The following FGGY variants were observed in gnomAD, a reference collection of about 807,000 sequenced individuals.
FGGY encodes the protein FGGY carbohydrate kinase domain containing.
FGGY carries 72 observed loss-of-function variants against 71.3 expected under a neutral mutation model. The observed-to-expected ratio is 1.01, with a 90% CI of 0.84 to 1.23. The LOEUF is 1.23. Ranked by LOEUF, FGGY falls within the 50% of genes most tolerant of loss-of-function variation. FGGY has a pLI of 0.00. For synonymous variants in FGGY, 251 were observed against 250.3 expected, an observed-to-expected ratio of 1.00 and a Z score of -0.02; for missense variants, 668 against 682.3, an observed-to-expected ratio of 0.98 and a Z score of 0.23.
intron 11 of FGGY, among the ~76,000 whole-genome samples, chr1:59,642,963 G>A (rs142925981): frequency 0.078 from 11,673 of 150,132 alleles, 1,227 homozygotes; most frequent in African/African-American, 0.24. Context: ...AGAACCTGGG[G>A]GGTGGAGCTT....
chr1:59,532,337 A>C (rs911940872), intron 7 of FGGY, among the ~76,000 whole-genome samples: 1 of 152,204 alleles, frequency 6.6e-6, no homozygotes, highest in African/African-American at 2.4e-5. Flanking sequence ...AAAATACATG[A>C]AATACACAAA....
Position 59,667,351 on chromosome 1 carries a change from T to C in FGGY, c.1365T>C (p.Cys455=). 5 of 1,614,204 alleles carry C rather than the reference T, an allele frequency of 3.1e-6. No homozygotes were observed. The highest frequency in any genetic ancestry group is 4.2e-6 in the Non-Finnish European group (5 of 1,180,014). The change falls in exon 13 of 16, where the codon TGT becomes TGC. Residue 455 remains cysteine, a synonymous_variant. Coordinates refer to ENST00000303721, the MANE Select transcript of FGGY (RefSeq NM_018291.5). The stretch of plus-strand genomic sequence containing the variant: ...ACTCAATCAGTACTCTTTTCCTATG[T>C]GGAGGCCTCAGCAAGAATCCCCTTT... ...AGHSISTLFL[C]GGLSKNPLFV... is the part of the protein sequence containing the mutation.
intron 6 of FGGY, among the ~76,000 whole-genome samples, chr1:59,465,535 G>C (rs568754301): frequency 6.6e-6 from 1 of 152,214 alleles, no homozygotes; most frequent in South Asian, 2.1e-4. Context: ...AGAAATAAAG[G>C]GTATTCAATT....
chr1:59,593,574 C>A (rs1571848447), intron 8 of FGGY, among the ~76,000 whole-genome samples: 1 of 152,294 alleles, frequency 6.6e-6, no homozygotes, highest in South Asian at 2.1e-4. Context: ...ACTGTCTTTT[C>A]ATCACACATA....
intron 9 of FGGY, among the ~76,000 whole-genome samples, chr1:59,611,524 G>A (rs1332118874): frequency 6.6e-6 from 1 of 152,086 alleles, no homozygotes; most frequent in Non-Finnish European, 1.5e-5. Context: ...AAGACCAAAG[G>A]TAGATAAAAC....
intron 7 of FGGY, among the ~76,000 whole-genome samples, chr1:59,519,867 T>G (rs2094775401): frequency 6.6e-6 from 1 of 152,272 alleles, no homozygotes; most frequent in South Asian, 2.1e-4. Context: ...AAATTGAGTC[T>G]GCCTCCAAGG....
At chr1:59,619,263 G>T (rs1424223430) in intron 9 of FGGY, among the ~76,000 whole-genome samples, 1 of 152,006 alleles carries the variant, frequency 6.6e-6, no homozygotes, top group African/African-American at 2.4e-5. Flanking sequence ...AGCCTCTTCT[G>T]CACTCTCCTG....
intron 14 of FGGY, among the ~76,000 whole-genome samples, chr1:59,735,602 C>T (rs1056166999): frequency 1.3e-5 from 2 of 152,172 alleles, no homozygotes; most frequent in Non-Finnish European, 2.9e-5. Context: ...ACCATCTCTA[C>T]AAGGCAGCTA....
intron 7 of FGGY, among the ~76,000 whole-genome samples, chr1:59,527,920 C>T (rs753899593): frequency 6.6e-6 from 1 of 152,134 alleles, no homozygotes; most frequent in African/African-American, 2.4e-5. Flanking sequence ...CTTATTACTT[C>T]TTGCAGCAGT....
intron 8 of FGGY, among the ~76,000 whole-genome samples, chr1:59,565,044 CA>C (rs1477495763): frequency 2.6e-5 from 4 of 152,004 alleles, no homozygotes; most frequent in African/African-American, 9.7e-5. Context: ...CCCAAGGGTA[CA>C]AGGGAATGGG....
chr1:59,412,131 C>T (rs2063700518), intron 5 of FGGY, among the ~76,000 whole-genome samples: 1 of 152,168 alleles, frequency 6.6e-6, no homozygotes, highest in Admixed American at 6.5e-5. Flanking sequence ...GCTGCCGTGA[C>T]CAAGTTTGCA....
rs12567968 is a variant in FGGY at position 59,333,162 on chromosome 1, T to G, written c.202-6796T>G. ...TGTTTGTTTCTACTCCCAAACTGCC[T>G]TGTGGTATGGAGTTTGAGTCATCTA... On this transcript the variant is annotated intron_variant, in intron 2 of 15. Transcript: ENST00000303721. Among the ~76,000 whole-genome samples, 618 of 152,326 alleles carry G rather than the reference T, an allele frequency of 4.1e-3. 17 individuals carry two copies. The East Asian group carries it at 0.07, about 17-fold the overall frequency.
intron 7 of FGGY, among the ~76,000 whole-genome samples, chr1:59,551,643 G>A (rs1374830358): frequency 6.6e-6 from 1 of 152,134 alleles, no homozygotes; most frequent in African/African-American, 2.4e-5. Context: ...TGGTGGGGAA[G>A]AACCAGCACT....
At chr1:59,431,393 T>C (rs2067334473) in intron 5 of FGGY, among the ~76,000 whole-genome samples, 1 of 152,164 alleles carries the variant, frequency 6.6e-6, no homozygotes, top group Non-Finnish European at 1.5e-5. Context: ...CCCTTTATTC[T>C]CTTTCAACTC....
At chr1:59,735,046 T>C (rs1034626195) in intron 14 of FGGY, among the ~76,000 whole-genome samples, 2 of 152,194 alleles carry the variant, frequency 1.3e-5, no homozygotes, top group African/African-American at 4.8e-5. Flanking sequence ...CTTAAAAGAA[T>C]TTTTGTTCTT....
chr1:59,305,200 T>C (rs1198088569), intron 1 of FGGY, among the ~76,000 whole-genome samples: 6 of 152,218 alleles, frequency 3.9e-5, no homozygotes, highest in African/African-American at 1.2e-4. Context: ...GGGCTTGTCA[T>C]ATATAGTCTG....
chr1:59,686,970 G>A (rs2153995734), intron 14 of FGGY, among the ~76,000 whole-genome samples: 1 of 152,332 alleles, frequency 6.6e-6, no homozygotes, highest in South Asian at 2.1e-4. Context: ...TATTTATGAT[G>A]ATATCTATCA....
intron 8 of FGGY, among the ~76,000 whole-genome samples, chr1:59,562,640 A>C (rs1443813284): frequency 6.6e-6 from 1 of 152,222 alleles, no homozygotes; most frequent in Non-Finnish European, 1.5e-5. Context: ...CCAGAAACGA[A>C]TGCAAACTTT....
chr1:59,610,527 C>G (rs1359887818), intron 9 of FGGY, among the ~76,000 whole-genome samples: 1 of 152,176 alleles, frequency 6.6e-6, no homozygotes, highest in Non-Finnish European at 1.5e-5. Context: ...GTAAATAGAG[C>G]TACAGAGTTC....
Sources: allele counts gnomAD v4.1 joint callset (sites outside exome capture counted in the v4.1 genomes callset), GRCh38; gene constraint gnomAD v4.1.1; transcripts MANE v1.5; gene names NCBI Gene and HGNC (gene_info 2026-07-23, HGNC 2026-07-21).